The following TAB2 variants were observed in gnomAD, a reference collection of about 807,000 sequenced individuals.
TAB2 encodes TGF-beta activated kinase 1 (MAP3K7) binding protein 2.
A neutral mutation model predicts 65.0 loss-of-function variants in TAB2; 3 were observed. That is an observed-to-expected ratio of 0.05 (90% CI 0.02 to 0.12). The LOEUF is 0.12. TAB2 is among the 10% of genes least tolerant of loss of function. The probability of loss-of-function intolerance (pLI) is 1.00; values close to 1 mark genes in which losing one functional copy is unlikely to be tolerated. For missense variants in TAB2, 623 were observed against 840.3 expected (o/e 0.74, Z 3.20); for synonymous variants, 298 against 285.1 (o/e 1.05, Z -0.46).
intron 1 of TAB2, among the ~76,000 whole-genome samples, chr6:149,362,757 A>C (rs2114838361): frequency 6.6e-6 from 1 of 152,290 alleles, no homozygotes; most frequent in African/African-American, 2.4e-5. Flanking sequence ...TCAATCTTTG[A>C]CAGACTTTGC....
chr6:149,262,546 A>AT (rs1778176685), intron 1 of TAB2, among the ~76,000 whole-genome samples: 1 of 152,020 alleles, frequency 6.6e-6, no homozygotes. Flanking sequence ...AAAAAAAAAA[A>AT]ATCTCATATG....
intron 1 of TAB2, among the ~76,000 whole-genome samples, chr6:149,368,043 T>G (rs1246006540): frequency 6.6e-6 from 1 of 152,098 alleles, no homozygotes; most frequent in Non-Finnish European, 1.5e-5. Flanking sequence ...TTGAATGAAA[T>G]TACCTTGAAG....
At chr6:149,278,186 T>C (rs1377699130) in intron 1 of TAB2, among the ~76,000 whole-genome samples, 1 of 152,198 alleles carries the variant, frequency 6.6e-6, no homozygotes, top group Non-Finnish European at 1.5e-5. Flanking sequence ...CCAAGCAACA[T>C]ATTATTTGTA....
intron 1 of TAB2, among the ~76,000 whole-genome samples, chr6:149,336,348 GA>G (rs1307060393): frequency 1.3e-5 from 2 of 152,108 alleles, no homozygotes; most frequent in African/African-American, 4.8e-5. Flanking sequence ...CTCCTTAGTG[GA>G]ACTTTTGGCT....
In TAB2 at chr6:149,317,950, C is replaced by G. The variant is rs1166269308; in HGVS notation, c.-155C>G. The stretch of plus-strand genomic sequence containing the variant: ...GCGGAGGCGACGGTGGAGACGGCTG[C>G]CCTAGTGGGAGAGGCGGCGGCGGCG... On this transcript the variant is annotated 5_prime_UTR_variant, in exon 1 of 7. Coordinates refer to ENST00000637181, the MANE Select transcript of TAB2 (RefSeq NM_001292034.3). The surrounding 1 kb of genome is among the most constrained non-coding windows in gnomAD (Gnocchi z 4.7). 1 of 169,300 alleles carries G rather than the reference C, an allele frequency of 5.9e-6. No individual in the cohort carries two copies. Among genetic ancestry groups the G allele is most frequent in the Non-Finnish European group, 1.2e-5 (1 of 83,066 alleles). 10.5% of individuals were successfully genotyped at this position (169,300 alleles called of 1,614,324 possible).
At chr6:149,237,768 T>A (rs1777525778) in intron 1 of TAB2, among the ~76,000 whole-genome samples, 1 of 152,188 alleles carries the variant, frequency 6.6e-6, no homozygotes. Context: ...GTGCTGGCCA[T>A]CTGCCGAGCA....
intron 3 of TAB2, among the ~76,000 whole-genome samples, chr6:149,393,155 C>T (rs980137647): frequency 3.6e-4 from 55 of 152,138 alleles, no homozygotes; most frequent in African/African-American, 1.3e-3. Flanking sequence ...CTAGTATATT[C>T]ATAGCATTTT....
chr6:149,258,416 TACACACACACACACACAC>T (rs56710457), intron 1 of TAB2, among the ~76,000 whole-genome samples: 2 of 146,198 alleles, frequency 1.4e-5, no homozygotes, highest in South Asian at 2.3e-4. Flanking sequence ...CATGACTGCC[TACACACACACACACACAC>T]ACACACACAC....
At chr6:149,238,477 T>G (rs1444331009) in intron 1 of TAB2, among the ~76,000 whole-genome samples, 1 of 152,172 alleles carries the variant, frequency 6.6e-6, no homozygotes, top group Non-Finnish European at 1.5e-5. Context: ...TCAAACTTCC[T>G]GCAATTAAGA....
In TAB2 at chr6:149,378,804, A is replaced by G. The variant is rs1025859824; in HGVS notation, c.889A>G (p.Thr297Ala). The change falls in exon 3 of 7, where the codon ACC (threonine) becomes GCC (alanine). Residue 297 changes from threonine to alanine, a missense_variant. Coordinates refer to ENST00000637181, the MANE Select transcript of TAB2 (RefSeq NM_001292034.3). ...TTCACCTACTACTTCACAACCACCAACCATTCATTCATCTGGTAGCTCACA... is the reference window on the plus strand; with the variant it reads ...TTCACCTACTACTTCACAACCACCAGCCATTCATTCATCTGGTAGCTCACA... ...ISSPTTSQPP[T>A]IHSSGSSQSS... 3.7e-6 allele frequency: 6 copies of G among 1,613,722 alleles called. No homozygotes were observed. The highest frequency in any genetic ancestry group is 5.1e-6 in the Non-Finnish European group (6 of 1,179,972).
At chr6:149,339,674 C>CTG (rs1212405629) in intron 1 of TAB2, among the ~76,000 whole-genome samples, 1 of 150,610 alleles carries the variant, frequency 6.6e-6, no homozygotes, top group Non-Finnish European at 1.5e-5. Context: ...TTGCAGCCCA[C>CTG]TGCAACCTCC....
chr6:149,375,664 A>T (rs1275501552), intron 2 of TAB2, among the ~76,000 whole-genome samples: 1 of 152,190 alleles, frequency 6.6e-6, no homozygotes, highest in African/African-American at 2.4e-5. Flanking sequence ...GCTTAGAAGG[A>T]AGAAGAATTT....
intron 3 of TAB2, among the ~76,000 whole-genome samples, chr6:149,388,697 G>A (rs1271111183): frequency 6.6e-6 from 1 of 152,022 alleles, no homozygotes; most frequent in Non-Finnish European, 1.5e-5. Flanking sequence ...TACGATTGAG[G>A]TTGAACATCT....
intron 1 of TAB2, among the ~76,000 whole-genome samples, chr6:149,237,536 G>C (rs1309060094): frequency 6.6e-6 from 1 of 152,188 alleles, no homozygotes; most frequent in Admixed American, 6.5e-5. Flanking sequence ...CTTTCCATGC[G>C]TAAGTGGAGA....
chr6:149,270,227 TC>T, intron 1 of TAB2, among the ~76,000 whole-genome samples: 1 of 152,360 alleles, frequency 6.6e-6, no homozygotes, highest in East Asian at 1.9e-4. Flanking sequence ...TTATTTGCCA[TC>T]CATGTAGCTT....
chr6:149,361,643 C>T (rs962476230), intron 1 of TAB2, among the ~76,000 whole-genome samples: 2 of 152,156 alleles, frequency 1.3e-5, no homozygotes, highest in Non-Finnish European at 2.9e-5. Flanking sequence ...GTGGTGAGTC[C>T]ACTTGCTTGA....
At chr6:149,349,065 A>G (rs910785540) in intron 1 of TAB2, among the ~76,000 whole-genome samples, 30 of 152,094 alleles carry the variant, frequency 2.0e-4, no homozygotes, top group African/African-American at 3.1e-4. Flanking sequence ...TTTTTCCTCA[A>G]TGAGACCTAA....
chr6:149,334,217 G>A (rs951833063), intron 1 of TAB2, among the ~76,000 whole-genome samples: 2 of 151,878 alleles, frequency 1.3e-5, no homozygotes, highest in African/African-American at 4.8e-5. Context: ...TTCATCCTCA[G>A]GTCTCCTCTC....
intron 1 of TAB2, among the ~76,000 whole-genome samples, chr6:149,357,426 AAAAAACACAC>A (rs1780693448): frequency 6.8e-5 from 5 of 73,628 alleles, no homozygotes; most frequent in African/African-American, 3.4e-4. Context: ...AAGGAGAAAA[AAAAAACACAC>A]ACACACACAC....
Sources: gnomAD v4.1 joint callset for allele counts (sites outside exome capture counted in the v4.1 genomes callset) on GRCh38, gnomAD v4.1.1 for gene constraint, Gnocchi (gnomAD v3.1) non-coding constraint, MANE v1.5 for transcripts, NCBI Gene and HGNC (gene_info 2026-07-23, HGNC 2026-07-21) for gene names.